WDPCP: variants seen among roughly 807,000 people sequenced by gnomAD.
The protein encoded by WDPCP is WD repeat-containing and planar cell polarity effector protein fritz homolog.
WDPCP carries 71 observed loss-of-function variants against 93.1 expected under a neutral mutation model. That is an observed-to-expected ratio of 0.76 (90% CI 0.63 to 0.93). The LOEUF is 0.93. WDPCP is among the 40% of genes least tolerant of loss of function. The pLI is 0.00. For missense variants in WDPCP, 844 were observed against 887.4 expected (o/e 0.95, Z 0.62); for synonymous variants, 315 against 315.0 (o/e 1.00, Z 0.00).
At chr2:63,791,566 C>T (rs1670546663) in intron 2 of WDPCP, among the ~76,000 whole-genome samples, 1 of 152,250 alleles carries the variant, frequency 6.6e-6, no homozygotes, top group South Asian at 2.1e-4. Flanking sequence ...TAGAGCACTG[C>T]TTACTGCTTG....
intron 3 of WDPCP, among the ~76,000 whole-genome samples, chr2:63,596,094 A>G (rs1429826067): frequency 1.3e-5 from 2 of 152,202 alleles, no homozygotes; most frequent in Non-Finnish European, 2.9e-5. Flanking sequence ...TTTGCAAATC[A>G]TTGAACTATA....
chr2:63,743,101 G>GT (rs1349637732), intron 2 of WDPCP, among the ~76,000 whole-genome samples: 1 of 152,072 alleles, frequency 6.6e-6, no homozygotes. Flanking sequence ...GATTGATGTT[G>GT]TAAGTGGTGA....
At chr2:63,751,149 C>T (rs1359009384) in intron 2 of WDPCP, among the ~76,000 whole-genome samples, 1 of 152,044 alleles carries the variant, frequency 6.6e-6, no homozygotes, top group Non-Finnish European at 1.5e-5. Flanking sequence ...GGATATAGGA[C>T]TATTAATGTT....
chr2:63,512,059 C>T (rs1367980149), intron 1 of WDPCP, among the ~76,000 whole-genome samples: 1 of 151,940 alleles, frequency 6.6e-6, no homozygotes, highest in Non-Finnish European at 1.5e-5. Context: ...AAAAAAGTAA[C>T]CCCATCAAAA....
chr2:63,777,851 T>C (rs1195857011), intron 2 of WDPCP, among the ~76,000 whole-genome samples: 1 of 152,056 alleles, frequency 6.6e-6, no homozygotes, highest in East Asian at 1.9e-4. Context: ...TTGACTGGGG[T>C]GATAATTTTA....
At chr2:63,215,406 A>G (rs777583747) in intron 14 of WDPCP, among the ~76,000 whole-genome samples, 33 of 152,348 alleles carry the variant, frequency 2.2e-4, no homozygotes, top group Admixed American at 5.9e-4. Flanking sequence ...ATAATACCGC[A>G]TATCTGCAAC....
At chr2:63,706,672 A>T (rs1210238025) in intron 2 of WDPCP, among the ~76,000 whole-genome samples, 2 of 127,242 alleles carry the variant, frequency 1.6e-5, no homozygotes, top group African/African-American at 3.0e-5. Context: ...TGCGGACTGC[A>T]GTGGCGCAAT....
At position 63,772,903 on chromosome 2, in the gene WDPCP, G is replaced by A. The variant is rs187450755; in HGVS notation, n.308+40719C>T. Reference sequence around the variant, plus strand: ...TGGGATCAAGTCAAGGATGCCTATTGTCACCACTGTGATTCACTATTTTTC... The same window carrying A: ...TGGGATCAAGTCAAGGATGCCTATTATCACCACTGTGATTCACTATTTTTC... On this transcript the variant is annotated intron_variant and non_coding_transcript_variant, in intron 2 of 4. Transcript: ENST00000467687. Among the ~76,000 whole-genome samples the A allele has an allele frequency of 2.8e-3, 424 of 152,086 alleles. 3 individuals carry two copies. Among genetic ancestry groups the A allele is most frequent in the Non-Finnish European group, 4.7e-3 (317 of 67,924 alleles).
At chr2:63,748,443 T>C (rs1184885733) in intron 2 of WDPCP, among the ~76,000 whole-genome samples, 2 of 152,084 alleles carry the variant, frequency 1.3e-5, no homozygotes, top group East Asian at 1.9e-4. Context: ...TATAAATGAA[T>C]GTTAAATTTT....
At chr2:63,527,531 C>T (rs1703441326) in intron 1 of WDPCP, among the ~76,000 whole-genome samples, 1 of 151,926 alleles carries the variant, frequency 6.6e-6, no homozygotes, top group East Asian at 1.9e-4. Flanking sequence ...CATCCATGTT[C>T]CTACAAAGGA....
chr2:63,156,048 GGA>G, intron 15 of WDPCP, among the ~76,000 whole-genome samples: 1 of 152,240 alleles, frequency 6.6e-6, no homozygotes, highest in Non-Finnish European at 1.5e-5. Context: ...TGCTCAGACT[GGA>G]GAGCAGTGGC....
intron 2 of WDPCP, among the ~76,000 whole-genome samples, chr2:63,699,394 C>T (rs1433220640): frequency 2.6e-5 from 4 of 152,190 alleles, no homozygotes; most frequent in Non-Finnish European, 4.4e-5. Context: ...ATTTGCAGGA[C>T]CGAATCTGGA....
chr2:63,788,969 A>T (rs1670507466), intron 2 of WDPCP, among the ~76,000 whole-genome samples: 2 of 152,124 alleles, frequency 1.3e-5, no homozygotes, highest in African/African-American at 4.8e-5. Flanking sequence ...TTGGTCCTGA[A>T]TTCCTGGGCT....
At chr2:63,619,212 A>G (rs1269713505) in intron 3 of WDPCP, among the ~76,000 whole-genome samples, 11 of 152,196 alleles carry the variant, frequency 7.2e-5, no homozygotes, top group Non-Finnish European at 1.3e-4. Context: ...AGTGAAGGGC[A>G]GAGAGGAGTT....
At chr2:63,412,112 T>C (rs997884149) in intron 9 of WDPCP, among the ~76,000 whole-genome samples, 16 of 152,262 alleles carry the variant, frequency 1.1e-4, no homozygotes, top group Admixed American at 5.9e-4. Flanking sequence ...TTGATGAACA[T>C]TGATGCTAAA....
chr2:63,735,681 T>C (rs1218299878), intron 2 of WDPCP, among the ~76,000 whole-genome samples: 3 of 151,780 alleles, frequency 2.0e-5, no homozygotes, highest in Admixed American at 6.6e-5. Context: ...CAGTTAGGAG[T>C]CTATTACCAT....
rs190306109 is a variant in WDPCP at position 63,698,505 on chromosome 2, T to A, written n.309-47667A>T. Among the ~76,000 whole-genome samples the A allele has an allele frequency of 2.6e-3, 397 of 152,294 alleles. 3 individuals are homozygous for A. Among genetic ancestry groups the A allele is most frequent in the African/African-American group, 9.0e-3 (375 of 41,568 alleles). On this transcript the variant is annotated intron_variant and non_coding_transcript_variant, in intron 2 of 4. Transcript: ENST00000467687. Reference sequence around the variant, plus strand: ...TAGAATGTTGAAGCTGGCAGGGACCTGGAGCCTCTAGAATCTAATCCCTCT... The same window carrying A: ...TAGAATGTTGAAGCTGGCAGGGACCAGGAGCCTCTAGAATCTAATCCCTCT...
chr2:63,266,803 CTCAATCAA>C (rs1183764434), intron 13 of WDPCP, among the ~76,000 whole-genome samples: 1 of 152,024 alleles, frequency 6.6e-6, no homozygotes, highest in Non-Finnish European at 1.5e-5. Context: ...GAGACTCTGT[CTCAATCAA>C]TCAATCAATC....
chr2:63,639,592 G>A (rs75687224), intron 3 of WDPCP, among the ~76,000 whole-genome samples: 1,771 of 152,284 alleles, frequency 0.012, 17 homozygotes, highest in Non-Finnish European at 0.017. Context: ...TCCATGGCAA[G>A]TCCTCACTTC....
Sources: allele counts gnomAD v4.1 joint callset (sites outside exome capture counted in the v4.1 genomes callset), GRCh38; gene constraint gnomAD v4.1.1; transcripts MANE v1.5; gene names NCBI Gene and HGNC (gene_info 2026-07-23, HGNC 2026-07-21).